SPTAN1: variants seen among roughly 807,000 people sequenced by gnomAD.
SPTAN1 encodes the protein spectrin alpha, non-erythrocytic 1, also known as spectrin alpha chain, non-erythrocytic 1.
Under a neutral mutation model 331.3 loss-of-function variants are expected in SPTAN1, and 61 were observed. That is an observed-to-expected ratio of 0.18 (90% CI 0.15 to 0.23). The LOEUF (loss-of-function observed/expected upper bound fraction) is 0.23. Among genes scored for constraint, SPTAN1 ranks in the 10% least tolerant of loss-of-function variants. SPTAN1 has a pLI of 1.00. For synonymous variants in SPTAN1, 1,153 were observed against 1,173.9 expected (o/e 0.98, Z 0.36); for missense variants, 2,043 against 3,147.9 (o/e 0.65, Z 8.40).
rs148612219 is a variant in SPTAN1 at position 128,625,084 on chromosome 9, T to C, written c.5993-19T>C. On this transcript the variant is annotated intron_variant, in intron 46 of 56. Transcript: ENST00000372739. The surrounding 1 kb of genome is among the most constrained non-coding windows in gnomAD (Gnocchi z 4.1). ...CTCCACTGAGGAGGGCAGTATATTT[T>C]CCACACTTCGTTTTCTAGGTGAAAA... is the stretch of plus-strand genomic sequence containing the variant. 1 of 1,613,554 alleles carries C rather than the reference T, an allele frequency of 6.2e-7. No individual in the cohort carries two copies. The highest frequency in any genetic ancestry group is 2.2e-5 in the East Asian group (1 of 44,878).
chr9:128,633,054 A>G, intron 56 of SPTAN1, 99 bp downstream of exon 56: 1 of 1,592,036 alleles, frequency 6.3e-7, no homozygotes, highest in Non-Finnish European at 8.5e-7. Context: ...TGCGCTGGGT[A>G]TTCTCCCCAT....
intron 1 of SPTAN1, among the ~76,000 whole-genome samples, chr9:128,557,507 CAAG>C (rs927658853): frequency 5.9e-4 from 90 of 152,214 alleles, no homozygotes; most frequent in African/African-American, 2.1e-3. Context: ...TCTGCCTGTA[CAAG>C]AAGATAGAGC....
In SPTAN1 at chr9:128,617,643, G is replaced by A. The variant is rs756977702; in HGVS notation, c.5361G>A (p.Glu1787=). ...CTGTTTCCCATCTCTCATTCAGGGAGAAGAAGCTGCTGGTGGGCTCAGAGG... is the reference window on the plus strand; with the variant it reads ...CTGTTTCCCATCTCTCATTCAGGGAAAAGAAGCTGCTGGTGGGCTCAGAGG... ...DMDDEESWIK[E]KKLLVGSEDY... Residue 1787 remains glutamate (E), a synonymous_variant, in exon 42 of 57, where the codon GAG becomes GAA. Coordinates refer to ENST00000372739, the MANE Select transcript of SPTAN1 (RefSeq NM_001130438.3). 3.2e-5 allele frequency: 51 copies of A among 1,614,200 alleles called. No individual in the cohort carries two copies. Among genetic ancestry groups the A allele is most frequent in the Middle Eastern group, 1.7e-4 (1 of 6,060 alleles).
chr9:128,597,952 T>C (rs976144442), intron 24 of SPTAN1, among the ~76,000 whole-genome samples: 3 of 151,132 alleles, frequency 2.0e-5, no homozygotes, highest in Non-Finnish European at 2.9e-5. Flanking sequence ...CCCGGCCTGT[T>C]TTGTTTTGTT....
chr9:128,630,124 C>G (rs573150948), intron 51 of SPTAN1, 197 bp from the exon 52 acceptor site: 4 of 757,804 alleles, frequency 5.3e-6, no homozygotes, highest in East Asian at 5.0e-5. Flanking sequence ...CTTCCCATCT[C>G]TAAAACGGGA....
chr9:128,614,119 G>C (rs1487225592), intron 40 of SPTAN1, among the ~76,000 whole-genome samples: 1 of 152,058 alleles, frequency 6.6e-6, no homozygotes, highest in Admixed American at 6.6e-5. Context: ...GGGTAAGTGT[G>C]AATAATTTTC....
chr9:128,576,206 A>G (rs958382511), intron 5 of SPTAN1, among the ~76,000 whole-genome samples: 1 of 152,130 alleles, frequency 6.6e-6, no homozygotes, highest in Non-Finnish European at 1.5e-5. Context: ...CATATTTTTT[A>G]AAACACCAAA....
chr9:128,561,010 C>A (rs1350335958), intron 1 of SPTAN1, among the ~76,000 whole-genome samples: 1 of 56,284 alleles, frequency 1.8e-5, no homozygotes. Context: ...AGCAAGACCC[C>A]ATCTCAAAAA....
Position 128,577,974 on chromosome 9 carries a change from T to G in SPTAN1, c.1086-136T>G. On this transcript the variant is annotated intron_variant, in intron 8 of 56. Coordinates refer to ENST00000372739, the MANE Select transcript of SPTAN1 (RefSeq NM_001130438.3). This position sits in a 1 kb window ranked among gnomAD's most constrained non-coding sequence, Gnocchi z 4.2. ...TTCCTTCACAGTCTAGATTGGGAAA[T>G]TTTCATATTTCCCAGAATTAGAATT... The G allele has an allele frequency of 8.6e-7, 1 of 1,165,910 alleles. No homozygotes were observed. The highest frequency in any genetic ancestry group is 1.3e-6 in the Non-Finnish European group (1 of 792,038). The allele number at this position is 1,165,910 out of a possible 1,614,324, so 72.2% of individuals were successfully genotyped here.
rs1051955354 is a variant in SPTAN1, at chr9:128,617,974, C to T, written c.5479-13C>T. The T allele has an allele frequency of 3.1e-6, 5 of 1,614,154 alleles. No homozygotes were observed. Among genetic ancestry groups the T allele is most frequent in the Non-Finnish European group, 4.2e-6 (5 of 1,180,010 alleles). On this transcript the variant is annotated splice_polypyrimidine_tract_variant and intron_variant, in intron 42 of 56. Transcript: ENST00000372739. ...AGCTACCTGCTGTTAACCTCCTCGT[C>T]CTTGCCTGTCAGGGTGTCCTGGACA...
At chr9:128,575,392 C>T in intron 5 of SPTAN1, 47 bp downstream of exon 5, 1 of 1,596,646 alleles carries the variant, frequency 6.3e-7, no homozygotes. Context: ...ATTATGTTAA[C>T]TTTTTAGTAT....
intron 21 of SPTAN1, among the ~76,000 whole-genome samples, chr9:128,590,260 GTT>G (rs2131295262): frequency 6.6e-6 from 1 of 152,234 alleles, no homozygotes; most frequent in South Asian, 2.1e-4. Flanking sequence ...TCTAACTTTG[GTT>G]TATTCAAGAG....
chr9:128,600,646 G>A (rs779275704), intron 27 of SPTAN1, among the ~76,000 whole-genome samples: 9 of 152,192 alleles, frequency 5.9e-5, no homozygotes, highest in Non-Finnish European at 1.2e-4. Flanking sequence ...CAAGAATACA[G>A]GGAGAAGGTG....
At chr9:128,598,336 C>T in intron 24 of SPTAN1, 64 bp from the exon 25 acceptor site, 5 of 1,196,148 alleles carry the variant, frequency 4.2e-6, no homozygotes, top group Non-Finnish European at 6.1e-6. Flanking sequence ...TAGTTTGTGA[C>T]TATGTCTCCT....
At chr9:128,602,639 TATTTA>T (rs1401646419) in intron 27 of SPTAN1, among the ~76,000 whole-genome samples, 1 of 151,876 alleles carries the variant, frequency 6.6e-6, no homozygotes, top group African/African-American at 2.4e-5. Flanking sequence ...ATTTGTATTT[TATTTA>T]TTTATTTTCG....
intron 27 of SPTAN1, among the ~76,000 whole-genome samples, chr9:128,602,189 G>GGT (rs1554755201): frequency 1.5e-5 from 2 of 131,656 alleles, no homozygotes; most frequent in African/African-American, 5.5e-5. Context: ...CTGCCCTCCT[G>GGT]TTTTTTTTTT....
In SPTAN1 at chr9:128,627,511, T is replaced by C; in HGVS notation, c.6689+13T>C. On this transcript the variant is annotated intron_variant, in intron 50 of 56. Coordinates refer to ENST00000372739, the MANE Select transcript of SPTAN1 (RefSeq NM_001130438.3). This position sits in a 1 kb window ranked among gnomAD's most constrained non-coding sequence, Gnocchi z 4.9. ...TCCAAGAGACCAGGTGCCAGCCCGCTGGGGCCGGGGAGCAGCAGCATGTCC... is the reference window on the plus strand; with the variant it reads ...TCCAAGAGACCAGGTGCCAGCCCGCCGGGGCCGGGGAGCAGCAGCATGTCC... The C allele has an allele frequency of 6.5e-7, 1 of 1,548,726 alleles. No individual in the cohort carries two copies. Among genetic ancestry groups the C allele is most frequent in the Non-Finnish European group, 8.7e-7 (1 of 1,144,988 alleles).
At chr9:128,608,366 G>T in intron 34 of SPTAN1, 90 bp downstream of exon 34, 1 of 1,509,382 alleles carries the variant, frequency 6.6e-7, no homozygotes, top group Non-Finnish European at 9.1e-7. Context: ...ATATCTCCAA[G>T]GAATACCTGC....
Position 128,584,924 on chromosome 9 carries a change from A to G in SPTAN1, c.2560+81A>G. The G allele has an allele frequency of 2.6e-6, 4 of 1,565,696 alleles. No individual in the cohort carries two copies. In the South Asian group the frequency reaches 3.4e-5, roughly 13 times the overall value. On this transcript the variant is annotated intron_variant, in intron 18 of 56. Coordinates refer to ENST00000372739, the MANE Select transcript of SPTAN1 (RefSeq NM_001130438.3). ...TTGCCGAGGGCATGGCCACGTGGGC[A>G]TCACAAACCAGGCTCTGGGGCTGAA...
Sources: gnomAD v4.1 joint callset for allele counts (sites outside exome capture counted in the v4.1 genomes callset) on GRCh38, gnomAD v4.1.1 for gene constraint, Gnocchi (gnomAD v3.1) non-coding constraint, MANE v1.5 for transcripts, NCBI Gene and HGNC (gene_info 2026-07-23, HGNC 2026-07-21) for gene names.